PSIP1: variants seen among roughly 807,000 people sequenced by gnomAD.
PSIP1 encodes the protein PC4 and SFRS1-interacting protein.
A neutral mutation model predicts 74.7 loss-of-function variants in PSIP1; 19 were observed. The ratio of observed to expected loss-of-function variants is 0.25; its 90% confidence interval spans 0.18 to 0.37. The LOEUF is 0.37. Ranked by LOEUF, PSIP1 falls within the 10% of genes least tolerant of loss-of-function variation. PSIP1 has a pLI of 1.00. For missense variants in PSIP1, 601 were observed against 614.3 expected (o/e 0.98, Z 0.23); for synonymous variants, 222 against 195.3 (o/e 1.14, Z -1.14).
intron 10 of PSIP1, chr9:15,470,703 T>A: frequency 1.1e-6 from 1 of 939,296 alleles, no homozygotes; most frequent in Non-Finnish European, 1.3e-6. Flanking sequence ...AGTCTACTAC[T>A]GTTTAATCTC....
rs1033733877 is a variant in PSIP1 at position 15,466,770 on chromosome 9, G to T, written c.1510C>A (p.His504Asn). 2 of 1,611,792 alleles carry T rather than the reference G, an allele frequency of 1.2e-6. No individual in the cohort carries two copies. The highest frequency in any genetic ancestry group is 1.7e-6 in the Non-Finnish European group (2 of 1,179,396). The change falls in exon 15 of 16, where the codon CAT becomes AAT. Residue 504 changes from histidine to asparagine, a missense_variant. By Grantham distance (68) the His-to-Asn change is moderately conservative (BLOSUM62 1). Transcript: ENST00000380733. ...CACTTTTTCTTCGTGCTGGCTTCAT[G>T]GTTGTCTTTGCTGTCTTCATTGCTC... Reference protein sequence around the residue: ...GESNEDSKDNHEASTKKKPSS... With the variant: ...GESNEDSKDNNEASTKKKPSS...
intron 8 of PSIP1, among the ~76,000 whole-genome samples, chr9:15,475,444 C>A (rs1297658513): frequency 6.6e-6 from 1 of 152,104 alleles, no homozygotes; most frequent in Non-Finnish European, 1.5e-5. Context: ...CAAAATGTTA[C>A]ACCTGTATGG....
chr9:15,498,766 A>G (rs1046642440), intron 3 of PSIP1, among the ~76,000 whole-genome samples: 1 of 152,168 alleles, frequency 6.6e-6, no homozygotes, highest in Non-Finnish European at 1.5e-5. Context: ...TCAAAATGTT[A>G]ACAGTAGGTC....
chr9:15,471,825 T>C (rs971325773), intron 10 of PSIP1: 4 of 958,618 alleles, frequency 4.2e-6, no homozygotes, highest in Admixed American at 1.2e-4. Flanking sequence ...CTTTGTCTTA[T>C]TGACCTAGAG....
chr9:15,494,043 T>C (rs2036959435), intron 3 of PSIP1, among the ~76,000 whole-genome samples: 1 of 152,186 alleles, frequency 6.6e-6, no homozygotes, highest in South Asian at 2.1e-4. Context: ...AATTTTACTA[T>C]GACAGCTGAT....
rs770210781 is a variant in PSIP1 at position 15,466,812 on chromosome 9, G to A, written c.1468C>T (p.Pro490Ser). 6.2e-7 allele frequency: 1 copy of A among 1,613,226 alleles called. No homozygotes were observed. Among genetic ancestry groups the A allele is most frequent in the East Asian group, 2.2e-5 (1 of 44,794 alleles). ...TCATTGCTCTCCCCGTTATGTTGTG[G>A]CTGATTACCATCTTGAGCATCAGAT... Reference protein sequence around the residue: ...GGSDAQDGNQPQHNGESNEDS... With the variant: ...GGSDAQDGNQSQHNGESNEDS... The change falls in exon 15 of 16, where the codon CCA (proline) becomes TCA (serine). Residue 490 changes from proline (P) to serine (S), a missense_variant. By Grantham distance (74) the Pro-to-Ser change is moderately conservative. Transcript: ENST00000380733.
intron 14 of PSIP1, among the ~76,000 whole-genome samples, chr9:15,467,762 G>T (rs533906559): frequency 8.5e-5 from 13 of 152,314 alleles, no homozygotes; most frequent in Admixed American, 3.3e-4. Flanking sequence ...TACTGCTAAA[G>T]TTAGTGAAAA....
At chr9:15,471,999 CATT>C (rs1164636184) in intron 10 of PSIP1, 3 of 974,044 alleles carry the variant, frequency 3.1e-6, no homozygotes, top group African/African-American at 3.5e-5. Context: ...GAAGTCTGTT[CATT>C]ATTATCATTG....
chr9:15,467,560 G>A (rs552290634), intron 14 of PSIP1, among the ~76,000 whole-genome samples: 190 of 152,226 alleles, frequency 1.2e-3, no homozygotes, highest in African/African-American at 4.5e-3. Context: ...GGGATTTTTC[G>A]TAAAACAACT....
intron 3 of PSIP1, among the ~76,000 whole-genome samples, chr9:15,490,408 C>T (rs577904900): frequency 2.0e-5 from 3 of 152,074 alleles, no homozygotes; most frequent in South Asian, 4.1e-4. Context: ...CATCGCCATG[C>T]GTGGTGCCTT....
chr9:15,473,927 C>CAAAAAAAAAAAAAAAAA (rs768554289), intron 9 of PSIP1, 82 bp downstream of exon 9: 1 of 493,324 alleles, frequency 2.0e-6, no homozygotes, highest in African/African-American at 3.2e-5. Context: ...AAAAAAAAAA[C>CAAAAAAAAAAAAAAAAA]AAAAAAAAAA....
chr9:15,479,901 TTTC>T (rs1328216106), intron 6 of PSIP1, among the ~76,000 whole-genome samples: 1 of 152,152 alleles, frequency 6.6e-6, no homozygotes, highest in Non-Finnish European at 1.5e-5. Flanking sequence ...AAACAAAAAA[TTTC>T]TTAGAAATGA....
rs141982263 is a variant in PSIP1, at chr9:15,468,744, T to G, written c.1306A>C (p.Ile436Leu). The change falls in exon 14 of 16, where the codon ATC (isoleucine) becomes CTC (leucine). Residue 436 changes from isoleucine (I) to leucine (L), a missense_variant. This residue lies in a region of PSIP1 where 538 missense variants were observed against 507.6 expected (regional missense o/e 1.06). Transcript: ENST00000380733. ...MFLVGEGDSV[I>L]TQVLNKSLAE... ...AGAGATTTATTCAGCACTTGGGTGA[T>G]CACGGAATCTCCTTCACCAACCAAG... 1.9e-6 allele frequency: 3 copies of G among 1,613,978 alleles called. No individual in the cohort carries two copies. Among genetic ancestry groups the G allele is most frequent in the African/African-American group, 1.3e-5 (1 of 74,924 alleles).
chr9:15,492,544 C>G (rs947616296), intron 3 of PSIP1, among the ~76,000 whole-genome samples: 5 of 152,202 alleles, frequency 3.3e-5, no homozygotes, highest in South Asian at 2.1e-4. Flanking sequence ...ATGGTGCAAG[C>G]TGTCGGTGGA....
At chr9:15,494,421 C>T (rs2036976249) in intron 3 of PSIP1, among the ~76,000 whole-genome samples, 1 of 151,788 alleles carries the variant, frequency 6.6e-6, no homozygotes, top group Non-Finnish European at 1.5e-5. Context: ...CAAAATTAGC[C>T]AGGCGTGGTG....
rs943048184 is a variant in PSIP1 at position 15,510,281 on chromosome 9, C to A, written c.-93G>T. Reference sequence around the variant, plus strand: ...CGGGCGGCGGACGCGGGCCCAGCTACCGGGCCCGCGGGCGGGGGAGGATGC... The same window carrying A: ...CGGGCGGCGGACGCGGGCCCAGCTAACGGGCCCGCGGGCGGGGGAGGATGC... On this transcript the variant is annotated 5_prime_UTR_variant, in exon 2 of 16. Coordinates refer to ENST00000380733, the MANE Select transcript of PSIP1 (RefSeq NM_033222.5). 3.7e-6 allele frequency: 4 copies of A among 1,072,366 alleles called. No homozygotes were observed. Among genetic ancestry groups the A allele is most frequent in the South Asian group, 3.3e-5 (2 of 60,120 alleles). The allele number at this position is 1,072,366 out of a possible 1,614,324, so 66.4% of individuals were successfully genotyped here.
chr9:15,491,389 T>C (rs2036824657), intron 3 of PSIP1, among the ~76,000 whole-genome samples: 1 of 152,204 alleles, frequency 6.6e-6, no homozygotes. Context: ...CAGCTAAGAA[T>C]GTGTTGTATC....
At chr9:15,509,736 C>A (rs1458918794) in intron 2 of PSIP1, among the ~76,000 whole-genome samples, 1 of 152,180 alleles carries the variant, frequency 6.6e-6, no homozygotes, top group African/African-American at 2.4e-5. Context: ...GTAATCTGCA[C>A]AAATTCCATT....
intron 8 of PSIP1, among the ~76,000 whole-genome samples, 177 bp downstream of exon 8, chr9:15,478,300 C>T (rs2036184270): frequency 6.6e-6 from 1 of 151,776 alleles, no homozygotes; most frequent in Non-Finnish European, 1.5e-5. Context: ...GATAAATAGC[C>T]ATTCCTTACC....
Sources: gnomAD v4.1 joint callset for allele counts (sites outside exome capture counted in the v4.1 genomes callset) on GRCh38, gnomAD v4.1.1 for gene constraint, gnomAD v4.1.1 regional missense constraint, MANE v1.5 for transcripts, NCBI Gene and HGNC (gene_info 2026-07-23, HGNC 2026-07-21) for gene names.